Variants in B3GNT3 observed in about 807,000 individuals in gnomAD.
The protein encoded by B3GNT3 is UDP-GlcNAc:betaGal beta-1,3-N-acetylglucosaminyltransferase 3.
A neutral mutation model predicts 11.6 loss-of-function variants in B3GNT3; 7 were observed. The ratio of observed to expected loss-of-function variants is 0.60; its 90% CI spans 0.34 to 1.13. The LOEUF is 1.13. Ranked by LOEUF, B3GNT3 falls within the 50% of genes most tolerant of loss-of-function variation. The pLI is 0.03. For missense variants in B3GNT3, 400 were observed against 507.4 expected (o/e 0.79, Z 2.03); for synonymous variants, 201 against 222.1 (o/e 0.90, Z 0.85).
chr19:17,806,870 C>T (rs1291883535), intron 1 of B3GNT3, among the ~76,000 whole-genome samples: 2 of 146,776 alleles, frequency 1.4e-5, no homozygotes, highest in South Asian at 2.2e-4. Context: ...GAGGATCGCT[C>T]GTATGCAGGA....
intron 1 of B3GNT3, 85 bp downstream of exon 1, chr19:17,795,291 C>T (rs2147642706): frequency 6.6e-6 from 1 of 152,350 alleles, no homozygotes; most frequent in East Asian, 1.9e-4. Flanking sequence ...TGGAGAAGCC[C>T]CTGCCGGTCT....
intron 1 of B3GNT3, among the ~76,000 whole-genome samples, chr19:17,796,713 A>G (rs2094159921): frequency 6.6e-6 from 1 of 152,102 alleles, no homozygotes; most frequent in African/African-American, 2.4e-5. Context: ...AGGGTGTGGC[A>G]TTTCCTGGCA....
chr19:17,807,478 CAA>C lies in B3GNT3; in HGVS notation c.-50-279_-50-278del, dbSNP rs1491289550. Among the ~76,000 whole-genome samples, 148 of 134,270 alleles carry C rather than the reference CAA, an allele frequency of 1.1e-3. 1 individual carries two copies. Among genetic ancestry groups the C allele is most frequent in the African/African-American group, 1.7e-3 (62 of 36,566 alleles). The allele number at this position is 134,270 out of a possible 152,430, so 88.1% of individuals were successfully genotyped here. ...CTGCACTCCAGCCTGGGCAACAGAA[CAA>C]GAGAGAGAGAGAGAGAGAGACGCTG... On this transcript the variant is annotated intron_variant, in intron 1 of 2. Coordinates refer to ENST00000318683, the MANE Select transcript of B3GNT3 (RefSeq NM_014256.4).
intron 1 of B3GNT3, among the ~76,000 whole-genome samples, chr19:17,800,831 G>A (rs1294288775): frequency 1.3e-5 from 2 of 152,028 alleles, no homozygotes; most frequent in Non-Finnish European, 2.9e-5. Flanking sequence ...GCCGGGTGTG[G>A]TGGTACATGC....
At chr19:17,798,787 C>T (rs2094162413) in intron 1 of B3GNT3, among the ~76,000 whole-genome samples, 1 of 152,032 alleles carries the variant, frequency 6.6e-6, no homozygotes, top group South Asian at 2.1e-4. Context: ...CCAGCCTGGG[C>T]AACATAGCGA....
Position 17,807,960 on chromosome 19 carries a change from T to TCCTGC in B3GNT3, c.155_156insTGCCC (p.Pro53AlafsTer62). 3 of 1,609,536 alleles carry TCCTGC rather than the reference T, an allele frequency of 1.9e-6. No homozygotes were observed. Among genetic ancestry groups the TCCTGC allele is most frequent in the Non-Finnish European group, 2.5e-6 (3 of 1,178,118 alleles). On this transcript the variant is annotated frameshift_variant, in exon 2 of 3. Coordinates refer to ENST00000318683, the MANE Select transcript of B3GNT3 (RefSeq NM_014256.4). LOFTEE classifies it high-confidence loss of function. Reference sequence around the variant, plus strand: ...TCCCCGAGGCCCTGGCCTGGCCCACTCCACCCACCCGCCCAGCCCCGGCCC... The same window carrying TCCTGC: ...TCCCCGAGGCCCTGGCCTGGCCCACTCCTGCCCACCCACCCGCCCAGCCCCGGCCC...
Position 17,813,342 on chromosome 19 carries a change from C to T in B3GNT3, c.*1220C>T, listed in dbSNP as rs567910721. ...TCACATGCCTGTAGTCCCAGCTATA[C>T]TTGGGAGGCTGAGGCGAGAGGATCG... is the stretch of plus-strand genomic sequence containing the variant. On this transcript the variant is annotated 3_prime_UTR_variant, in exon 3 of 3. Transcript: ENST00000318683. Among the ~76,000 whole-genome samples, 1 of 152,030 alleles carries T rather than the reference C, an allele frequency of 6.6e-6. No individual in the cohort carries two copies. Among genetic ancestry groups the T allele is most frequent in the Non-Finnish European group, 1.5e-5 (1 of 67,976 alleles).
In B3GNT3 at chr19:17,812,120, TG is replaced by T; in HGVS notation, c.1118del (p.Ter373=). The T allele has an allele frequency of 6.3e-7, 1 of 1,587,692 alleles. No individual in the cohort carries two copies. Among genetic ancestry groups the T allele is most frequent in the Non-Finnish European group, 8.5e-7 (1 of 1,173,488 alleles). The stretch of plus-strand genomic sequence containing the variant: ...CTGCGGCAATCAGACACAGATCTAC[TG>T]AGTCAGCATCAGGGTCCCCAGCCTC... ...LTCGNQTQIY[*>X] On this transcript the variant is annotated frameshift_variant and stop_lost, in exon 3 of 3. Coordinates refer to ENST00000318683, the MANE Select transcript of B3GNT3 (RefSeq NM_014256.4). LOFTEE classifies it high-confidence loss of function.
intron 1 of B3GNT3, among the ~76,000 whole-genome samples, chr19:17,806,574 C>T (rs59664265): frequency 0.038 from 5,752 of 152,138 alleles, 220 homozygotes; most frequent in East Asian, 0.14. Context: ...GTGACAGATT[C>T]TGGGAGGCCC....
intron 1 of B3GNT3, among the ~76,000 whole-genome samples, chr19:17,796,850 C>T (rs1260948698): frequency 1.3e-5 from 2 of 152,156 alleles, no homozygotes; most frequent in South Asian, 2.1e-4. Flanking sequence ...AGTGACATTT[C>T]CTCCTGCCAC....
intron 1 of B3GNT3, among the ~76,000 whole-genome samples, chr19:17,800,236 G>T (rs2094164531): frequency 6.6e-6 from 1 of 152,164 alleles, no homozygotes; most frequent in Non-Finnish European, 1.5e-5. Flanking sequence ...TTAGCTGGGT[G>T]TGGTGGCGCA....
At chr19:17,804,959 C>A (rs188261648) in intron 1 of B3GNT3, among the ~76,000 whole-genome samples, 6 of 151,656 alleles carry the variant, frequency 4.0e-5, no homozygotes, top group Middle Eastern at 3.4e-3. Context: ...AATCTCCCCC[C>A]ACCCAGCCTC....
intron 1 of B3GNT3, among the ~76,000 whole-genome samples, chr19:17,797,178 T>C (rs2094160401): frequency 6.6e-6 from 1 of 152,186 alleles, no homozygotes; most frequent in South Asian, 2.1e-4. Flanking sequence ...GATGGACAGA[T>C]GGTGGCCAGG....
Sources: gnomAD v4.1 joint callset for allele counts (sites outside exome capture counted in the v4.1 genomes callset) on GRCh38, gnomAD v4.1.1 for gene constraint, MANE v1.5 for transcripts, NCBI Gene and HGNC (gene_info 2026-07-23, HGNC 2026-07-21) for gene names.